TCERG1L: variants seen among roughly 807,000 people sequenced by gnomAD.
The protein encoded by TCERG1L is transcription elongation regulator 1 like.
TCERG1L carries 37 observed loss-of-function variants against 56.3 expected under a neutral mutation model. The observed-to-expected ratio is 0.66, with a 90% CI of 0.51 to 0.87. The LOEUF (loss-of-function observed/expected upper bound fraction) is 0.87. Among genes scored for constraint, TCERG1L ranks in the 40% least tolerant of loss-of-function variants. The pLI is 0.00. For synonymous variants in TCERG1L, 324 were observed against 326.3 expected (o/e 0.99, Z 0.08); for missense variants, 799 against 774.2 (o/e 1.03, Z -0.38).
At chr10:131,216,340 A>C (rs1349661663) in intron 4 of TCERG1L, among the ~76,000 whole-genome samples, 1 of 152,200 alleles carries the variant, frequency 6.6e-6, no homozygotes, top group Non-Finnish European at 1.5e-5. Flanking sequence ...GGAAGCATCA[A>C]GCTGAGAGCC....
chr10:131,230,179 G>A (rs556447450), intron 4 of TCERG1L, among the ~76,000 whole-genome samples: 9 of 152,264 alleles, frequency 5.9e-5, no homozygotes, highest in South Asian at 2.1e-4. Flanking sequence ...GGGCAGAGAC[G>A]TCCCCCAGGA....
At chr10:131,181,524 T>C (rs1258891065) in intron 4 of TCERG1L, among the ~76,000 whole-genome samples, 1 of 152,266 alleles carries the variant, frequency 6.6e-6, no homozygotes, top group Non-Finnish European at 1.5e-5. Flanking sequence ...ACAGAGACGC[T>C]AAACATTCAG....
At chr10:131,207,363 GC>G (rs1246120157) in intron 4 of TCERG1L, among the ~76,000 whole-genome samples, 3 of 152,210 alleles carry the variant, frequency 2.0e-5, no homozygotes, top group Non-Finnish European at 2.9e-5. Context: ...TGCTGCCGAG[GC>G]TTTGCTGCCC....
intron 4 of TCERG1L, among the ~76,000 whole-genome samples, chr10:131,233,439 T>C (rs538253824): frequency 0.06 from 9,119 of 151,772 alleles, 344 homozygotes; most frequent in Middle Eastern, 0.15. Context: ...TACACACATA[T>C]GCATACACAT....
chr10:131,138,504 A>G (rs1238013543), intron 7 of TCERG1L, among the ~76,000 whole-genome samples: 2 of 152,218 alleles, frequency 1.3e-5, no homozygotes, highest in African/African-American at 4.8e-5. Context: ...AATGCCTAGC[A>G]TATCTACTTT....
At chr10:131,181,994 G>A (rs1240982170) in intron 4 of TCERG1L, among the ~76,000 whole-genome samples, 2 of 152,224 alleles carry the variant, frequency 1.3e-5, no homozygotes, top group African/African-American at 4.8e-5. Context: ...ATCTGTGTGT[G>A]TGCACATAGC....
chr10:131,251,705 CCCTCAG>C (rs1340632613), intron 4 of TCERG1L, among the ~76,000 whole-genome samples: 3 of 152,186 alleles, frequency 2.0e-5, no homozygotes, highest in African/African-American at 7.2e-5. Context: ...TCTCCAAGGT[CCCTCAG>C]ATAAACTTCA....
chr10:131,257,853 A>G (rs993740822), intron 4 of TCERG1L, among the ~76,000 whole-genome samples: 1 of 152,216 alleles, frequency 6.6e-6, no homozygotes, highest in East Asian at 1.9e-4. Context: ...TGACTTTTAT[A>G]TCAAAGTCCA....
At chr10:131,273,898 G>A (rs1163502983) in intron 3 of TCERG1L, among the ~76,000 whole-genome samples, 1 of 152,232 alleles carries the variant, frequency 6.6e-6, no homozygotes, top group Admixed American at 6.5e-5. Flanking sequence ...TGAAAGTCAG[G>A]AGTGAGAGAG....
Position 131,308,284 on chromosome 10 carries a change from A to G in TCERG1L, c.597T>C (p.Ala199=). 1 of 1,614,026 alleles carries G rather than the reference A, an allele frequency of 6.2e-7. No homozygotes were observed. Among genetic ancestry groups the G allele is most frequent in the Non-Finnish European group, 8.5e-7 (1 of 1,179,900 alleles). ...EKPRLLANQV[A]VSLSRPAPAS... ...CAGGAGCCGGCCTGGACAGAGACAC[A>G]GCTACTTGATTTGCCAGCAAACGAG... Residue 199 remains alanine (A), a synonymous_variant, in exon 3 of 12, where the codon GCT becomes GCC. Transcript: ENST00000368642.
intron 3 of TCERG1L, among the ~76,000 whole-genome samples, chr10:131,282,137 G>C (rs1179163498): frequency 1.1e-5 from 1 of 92,540 alleles, no homozygotes. Flanking sequence ...CTCCATCTCA[G>C]AAAAAAAAAA....
rs186486025 is a variant in TCERG1L at position 131,187,880 on chromosome 10, G to A, written c.857-20995C>T. Among the ~76,000 whole-genome samples, 8 of 152,302 alleles carry A rather than the reference G, an allele frequency of 5.3e-5. No individual in the cohort carries two copies. The East Asian group carries it at 1.5e-3, about 29-fold the overall frequency. ...AAAAGCATCCTCTGCAGAGGGGAGG[G>A]CTCCATGTGCCCTCACTCAATGGCT... On this transcript the variant is annotated intron_variant, in intron 4 of 11. Coordinates refer to ENST00000368642, the MANE Select transcript of TCERG1L (RefSeq NM_174937.4).
intron 7 of TCERG1L, among the ~76,000 whole-genome samples, chr10:131,135,696 A>T (rs1408390184): frequency 6.6e-6 from 1 of 152,102 alleles, no homozygotes; most frequent in Non-Finnish European, 1.5e-5. Flanking sequence ...ACCCCTGCCC[A>T]CGAGCCACAG....
At chr10:131,201,768 G>T (rs1053730862) in intron 4 of TCERG1L, among the ~76,000 whole-genome samples, 5 of 152,136 alleles carry the variant, frequency 3.3e-5, no homozygotes, top group East Asian at 3.9e-4. Context: ...CTTCTCTGCG[G>T]GACTGTAATG....
chr10:131,201,516 T>C (rs1363350292), intron 4 of TCERG1L, among the ~76,000 whole-genome samples: 2 of 152,208 alleles, frequency 1.3e-5, no homozygotes, highest in East Asian at 1.9e-4. Flanking sequence ...ACTGCCAATG[T>C]AGAATTGTTG....
chr10:131,284,394 A>C (rs74833339), intron 3 of TCERG1L, among the ~76,000 whole-genome samples: 1 of 152,024 alleles, frequency 6.6e-6, no homozygotes, highest in African/African-American at 2.4e-5. Context: ...AAAATTTACA[A>C]AAAGCAGTGA....
At chr10:131,187,762 G>A (rs1845261960) in intron 4 of TCERG1L, among the ~76,000 whole-genome samples, 1 of 152,170 alleles carries the variant, frequency 6.6e-6, no homozygotes, top group South Asian at 2.1e-4. Flanking sequence ...TTCGCCTGGA[G>A]AGCTTTCATG....
intron 3 of TCERG1L, among the ~76,000 whole-genome samples, chr10:131,276,621 A>G (rs577007739): frequency 2.0e-4 from 31 of 152,266 alleles, no homozygotes; most frequent in African/African-American, 7.2e-4. Context: ...CCAGCTGACA[A>G]TTTTCAGGGA....
chr10:131,146,761 C>G (rs1845800322), intron 6 of TCERG1L, 101 bp from the exon 7 acceptor site: 1 of 1,368,700 alleles, frequency 7.3e-7, no homozygotes, highest in South Asian at 1.5e-5. Context: ...GGACCGAAAT[C>G]CACACATTTG....
Sources: gnomAD v4.1 joint callset for allele counts (sites outside exome capture counted in the v4.1 genomes callset) on GRCh38, gnomAD v4.1.1 for gene constraint, MANE v1.5 for transcripts, NCBI Gene and HGNC (gene_info 2026-07-23, HGNC 2026-07-21) for gene names.